Variants in ICE2 observed in about 807,000 individuals in gnomAD.
ICE2 encodes the protein interactor of little elongation complex ELL subunit 2.
Under a neutral mutation model 105.4 loss-of-function variants are expected in ICE2, and 87 were observed. The ratio of observed to expected loss-of-function variants is 0.83; its 90% CI spans 0.69 to 0.99. The LOEUF (loss-of-function observed/expected upper bound fraction) is 0.99, where lower values mean the gene tolerates loss of function less well. Among genes scored for constraint, ICE2 ranks in the 50% least tolerant of loss-of-function variants. The pLI is 0.00. For missense variants in ICE2, 1,323 were observed against 1,146.7 expected, an observed-to-expected ratio of 1.15 and a Z score of -2.22; for synonymous variants, 399 against 392.0, an observed-to-expected ratio of 1.02 and a Z score of -0.21.
At chr15:60,454,139 T>C (rs1030800800) in intron 8 of ICE2, among the ~76,000 whole-genome samples, 1 of 152,212 alleles carries the variant, frequency 6.6e-6, no homozygotes, top group Non-Finnish European at 1.5e-5. Flanking sequence ...TAATTTGTAG[T>C]TTTGTTTCAA....
rs1366705371 is a variant in ICE2, at chr15:60,423,116, C to A, written c.*518G>T. 6.6e-6 allele frequency: 1 copy of A among 152,474 alleles called. No homozygotes were observed. The highest frequency in any genetic ancestry group is 1.5e-5 in the Non-Finnish European group (1 of 68,018). The allele number at this position is 152,474 out of a possible 1,614,324, so 9.4% of individuals were successfully genotyped here. A position where few individuals can be genotyped will look rare whatever the true frequency, so the allele number is the denominator to read the frequency against. ...TTTTGGCTTCTGTAATGGAATTTCA[C>A]CAAGTTTTTAAAGGTATTAACTTTA... On this transcript the variant is annotated 3_prime_UTR_variant, in exon 16 of 16. Coordinates refer to ENST00000261520, the MANE Select transcript of ICE2 (RefSeq NM_024611.6).
chr15:60,455,152 T>C lies in ICE2; in HGVS notation c.794A>G (p.Lys265Arg). The change falls in exon 8 of 16, where the codon AAA becomes AGA. Residue 265 changes from lysine to arginine, a missense_variant. Lys to Arg is a conservative substitution (Grantham distance 26). Coordinates refer to ENST00000261520, the MANE Select transcript of ICE2 (RefSeq NM_024611.6). ...TAEAMHYDISKDPNAEKLVSR... is the reference protein window; with the variant it reads ...TAEAMHYDISRDPNAEKLVSR... ...AACAAGCTTCTCTGCATTTGGATCT[T>C]TACTAATATCCTGAAAAACAACAAG... is the stretch of plus-strand genomic sequence containing the variant. 1 of 1,573,052 alleles carries C rather than the reference T, an allele frequency of 6.4e-7. No homozygotes were observed. The highest frequency in any genetic ancestry group is 1.4e-5 in the African/African-American group (1 of 72,980).
intron 15 of ICE2, among the ~76,000 whole-genome samples, chr15:60,424,469 T>C (rs1422514355): frequency 6.6e-6 from 1 of 152,210 alleles, no homozygotes; most frequent in African/African-American, 2.4e-5. Flanking sequence ...TACCCTTCCT[T>C]ACCCTCACTT....
chr15:60,437,988 A>G (rs1355431220), intron 12 of ICE2: 1 of 152,270 alleles, frequency 6.6e-6, no homozygotes, highest in East Asian at 1.9e-4. Flanking sequence ...TCACAAACAC[A>G]ATATGAATCT....
chr15:60,441,319 C>G (rs1028694829), intron 12 of ICE2: 1 of 152,134 alleles, frequency 6.6e-6, no homozygotes, highest in Non-Finnish European at 1.5e-5. Flanking sequence ...AATCAATTAT[C>G]TACTTAATAC....
chr15:60,440,496 G>A (rs1397484998), intron 12 of ICE2: 1 of 152,122 alleles, frequency 6.6e-6, no homozygotes, highest in Non-Finnish European at 1.5e-5. Flanking sequence ...GCAAAGCAGA[G>A]CAAACAAACA....
intron 12 of ICE2, 142 bp downstream of exon 12, chr15:60,442,274 C>G (rs1264320729): frequency 4.2e-6 from 3 of 708,362 alleles, no homozygotes; most frequent in Non-Finnish European, 6.7e-6. Context: ...GCCTGGGCAA[C>G]AGAATGAGAC....
intron 15 of ICE2, among the ~76,000 whole-genome samples, chr15:60,425,352 C>T (rs902853848): frequency 6.6e-6 from 1 of 152,174 alleles, no homozygotes; most frequent in East Asian, 1.9e-4. Context: ...ATTGACCACA[C>T]TAATTCTATC....
intron 3 of ICE2, among the ~76,000 whole-genome samples, chr15:60,472,653 C>T (rs972715130): frequency 1.4e-4 from 21 of 152,130 alleles, no homozygotes; most frequent in Non-Finnish European, 2.4e-4. Context: ...AGGCTATAAC[C>T]CACACCTGGG....
chr15:60,455,181 T>C lies in ICE2; in HGVS notation c.784-19A>G. 6.4e-7 allele frequency: 1 copy of C among 1,557,442 alleles called. No individual in the cohort carries two copies. The highest frequency in any genetic ancestry group is 8.6e-7 in the Non-Finnish European group (1 of 1,158,214). On this transcript the variant is annotated intron_variant, in intron 7 of 15. Coordinates refer to ENST00000261520, the MANE Select transcript of ICE2 (RefSeq NM_024611.6). ...TAATATCCTGAAAAACAACAAGTAA[T>C]TTGTTACTTGGTTATACTTATTGAA...
rs2063229719 is a variant in ICE2, at chr15:60,420,257, C to T, written c.*3377G>A. The T allele has an allele frequency of 2.6e-5, 4 of 151,992 alleles. No homozygotes were observed. The highest frequency in any genetic ancestry group is 9.7e-5 in the African/African-American group (4 of 41,396). 9.4% of individuals were successfully genotyped at this position (151,992 alleles called of 1,614,324 possible). On this transcript the variant is annotated 3_prime_UTR_variant, in exon 16 of 16. Coordinates refer to ENST00000261520, the MANE Select transcript of ICE2 (RefSeq NM_024611.6). ...TACTCAGTATCTCAAATGAGAAACC[C>T]AGAAGCCATACTTTACTCTCCTTAC...
At chr15:60,474,707 G>A (rs920991089) in intron 3 of ICE2, among the ~76,000 whole-genome samples, 1 of 152,120 alleles carries the variant, frequency 6.6e-6, no homozygotes, top group Non-Finnish European at 1.5e-5. Context: ...TCTTCCCAGT[G>A]AGCATATGTA....
At chr15:60,465,277 C>T (rs1452424714) in intron 5 of ICE2, among the ~76,000 whole-genome samples, 3 of 152,048 alleles carry the variant, frequency 2.0e-5, no homozygotes, top group Non-Finnish European at 4.4e-5. Context: ...CTGCAGCCTC[C>T]ACCTCCTGGG....
intron 9 of ICE2, among the ~76,000 whole-genome samples, chr15:60,450,682 G>GT (rs1360397088): frequency 9.8e-5 from 15 of 152,306 alleles, no homozygotes; most frequent in Admixed American, 5.2e-4. Context: ...ATCAACTCGT[G>GT]TAAGTTACTC....
chr15:60,478,978 G>C, intron 1 of ICE2, 25 bp downstream of exon 1: 4 of 455,928 alleles, frequency 8.8e-6, no homozygotes, highest in Middle Eastern at 3.3e-4. Context: ...CCGCGTCTGG[G>C]CTGCAACACA....
intron 14 of ICE2, among the ~76,000 whole-genome samples, chr15:60,429,642 T>C (rs1228002297): frequency 6.6e-6 from 1 of 152,124 alleles, no homozygotes; most frequent in Non-Finnish European, 1.5e-5. Context: ...AAAATAAAGA[T>C]TTATCATACT....
rs554509395 is a variant in ICE2, at chr15:60,423,738, G to C, written c.2845C>G (p.Arg949Gly). The C allele has an allele frequency of 1.3e-6, 2 of 1,597,842 alleles. No individual in the cohort carries two copies. Among genetic ancestry groups the C allele is most frequent in the Non-Finnish European group, 1.7e-6 (2 of 1,175,018 alleles). The change falls in exon 16 of 16, where the codon CGC becomes GGC. Residue 949 changes from arginine to glycine, a missense_variant. Coordinates refer to ENST00000261520, the MANE Select transcript of ICE2 (RefSeq NM_024611.6). ...ATGGAAACTGGATTCCTGTGGCTGC[G>C]TGTAGGCATTCTCGTTCCACCAATC... The part of the protein sequence containing the change: ...QKIGGTRMPT[R>G]SHRNPVSMET...
rs191223666 is a variant in ICE2 at position 60,424,064 on chromosome 15, G to A, written c.2821-302C>T. Among the ~76,000 whole-genome samples the A allele has an allele frequency of 5.3e-5, 8 of 152,216 alleles. No homozygotes were observed. In the East Asian group the frequency reaches 1.5e-3, roughly 29 times the overall value. ...TGAAAAGATAAATTAGAAATCAAGG[G>A]AATGACAGGCCTTATGTGTGATGTG... On this transcript the variant is annotated intron_variant, in intron 15 of 15. Transcript: ENST00000261520.
At chr15:60,425,934 C>T (rs990452174) in intron 15 of ICE2, among the ~76,000 whole-genome samples, 3 of 152,090 alleles carry the variant, frequency 2.0e-5, no homozygotes, top group Middle Eastern at 6.3e-3. Flanking sequence ...GAGTAGATCA[C>T]CAAAAACTTT....
Sources: allele counts gnomAD v4.1 joint callset (sites outside exome capture counted in the v4.1 genomes callset), GRCh38; gene constraint gnomAD v4.1.1; transcripts MANE v1.5; gene names NCBI Gene and HGNC (gene_info 2026-07-23, HGNC 2026-07-21).